Variants in FAM120B observed in about 807,000 individuals in gnomAD.
FAM120B encodes the protein constitutive coactivator of peroxisome proliferator-activated receptor gamma.
Under a neutral mutation model 96.3 loss-of-function variants are expected in FAM120B, and 83 were observed. The observed-to-expected ratio is 0.86, with a 90% CI of 0.72 to 1.03. FAM120B has a LOEUF of 1.03. Ranked by LOEUF, FAM120B falls within the 50% of genes least tolerant of loss-of-function variation. The pLI is 0.00. For synonymous variants in FAM120B, 407 were observed against 402.7 expected (o/e 1.01, Z -0.13); for missense variants, 1,027 against 1,121.2 (o/e 0.92, Z 1.20).
rs115774011 is a variant in FAM120B, at chr6:170,326,415, G to A, written c.1915+3156G>A. On this transcript the variant is annotated intron_variant, in intron 3 of 10. Coordinates refer to ENST00000476287, the MANE Select transcript of FAM120B (RefSeq NM_032448.3). The stretch of plus-strand genomic sequence containing the variant: ...CCCATTCCTGTCCTCTGGCAACTGC[G>A]AATCTGTTTTTCATCTCTATGTTCT... Among the ~76,000 whole-genome samples, 663 of 152,220 alleles carry A rather than the reference G, an allele frequency of 4.4e-3. 3 individuals are homozygous for A. Among genetic ancestry groups the A allele is most frequent in the African/African-American group, 0.015 (630 of 41,530 alleles).
intron 9 of FAM120B, among the ~76,000 whole-genome samples, chr6:170,395,859 G>A (rs1050999901): frequency 6.6e-6 from 1 of 152,104 alleles, no homozygotes; most frequent in East Asian, 1.9e-4. Context: ...TTGCTAGAAG[G>A]TACTTGTAAA....
chr6:170,368,967 T>A lies in FAM120B; in HGVS notation c.2283+10649T>A, dbSNP rs575041732. ...CCCACCATGAGCCAATCAGCTCTCA[T>A]AGGCCCCCACCTCCAATTACCATCC... On this transcript the variant is annotated intron_variant, in intron 6 of 10. Coordinates refer to ENST00000476287, the MANE Select transcript of FAM120B (RefSeq NM_032448.3). Among the ~76,000 whole-genome samples, 7 of 131,138 alleles carry A rather than the reference T, an allele frequency of 5.3e-5. No individual in the cohort carries two copies. The East Asian group carries it at 2.2e-3, about 41-fold the overall frequency. 86.0% of individuals were successfully genotyped at this position (131,138 alleles called of 152,430 possible). A position where few individuals can be genotyped will look rare whatever the true frequency, so the allele number is the denominator to read the frequency against.
upstream of FAM120B, among the ~76,000 whole-genome samples, chr6:170,301,810 T>C (rs959901108): frequency 4.6e-5 from 7 of 152,240 alleles, no homozygotes; most frequent in African/African-American, 1.7e-4. Flanking sequence ...CAGCCTGGAC[T>C]TCATTGTCCA....
At chr6:170,299,648 G>A (rs1213894520) in intron 1 of FAM120B, among the ~76,000 whole-genome samples, 1 of 152,210 alleles carries the variant, frequency 6.6e-6, no homozygotes. Flanking sequence ...TAAAGTGGGA[G>A]GACCAGTTCT....
intron 9 of FAM120B, among the ~76,000 whole-genome samples, chr6:170,397,307 C>T (rs1393461168): frequency 6.6e-6 from 1 of 152,162 alleles, no homozygotes; most frequent in Non-Finnish European, 1.5e-5. Flanking sequence ...CCCTCCATCC[C>T]TCCCTCACTC....
chr6:170,358,234 G>C lies in FAM120B; in HGVS notation c.2199G>C (p.Thr733=). Reference sequence around the variant, plus strand: ...TTCTCTGTCCTTTTCAGGTGGACACGCTTTGCCTGGAGGATTTGCATGCGT... The same window carrying C: ...TTCTCTGTCCTTTTCAGGTGGACACCCTTTGCCTGGAGGATTTGCATGCGT... The part of the protein sequence containing the change: ...LLIYLFVQVD[T]LCLEDLHAFI... The change falls in exon 6 of 11, where the codon ACG becomes ACC. Residue 733 remains threonine, a synonymous_variant. Coordinates refer to ENST00000476287, the MANE Select transcript of FAM120B (RefSeq NM_032448.3). 6.2e-7 allele frequency: 1 copy of C among 1,602,038 alleles called. No homozygotes were observed. Among genetic ancestry groups the C allele is most frequent in the Non-Finnish European group, 8.5e-7 (1 of 1,171,692 alleles).
chr6:170,323,829 A>G (rs552284070), intron 3 of FAM120B, among the ~76,000 whole-genome samples: 135 of 152,322 alleles, frequency 8.9e-4, no homozygotes, highest in African/African-American at 3.1e-3. Context: ...TTTAACCCCA[A>G]GGAGAAAGTT....
chr6:170,310,296 A>G (rs1423028639), intron 1 of FAM120B, among the ~76,000 whole-genome samples: 2 of 152,200 alleles, frequency 1.3e-5, no homozygotes, highest in African/African-American at 2.4e-5. Context: ...AAAGCCAGAG[A>G]GTCTCTTTTA....
intron 1 of FAM120B, among the ~76,000 whole-genome samples, chr6:170,299,152 T>C (rs150895948): frequency 1.3e-5 from 2 of 152,368 alleles, no homozygotes; most frequent in East Asian, 3.8e-4. Context: ...CTAGTGAGGC[T>C]ATTAGCACCT....
intron 6 of FAM120B, among the ~76,000 whole-genome samples, chr6:170,385,444 G>A (rs1382440042): frequency 6.6e-6 from 1 of 152,150 alleles, no homozygotes; most frequent in Non-Finnish European, 1.5e-5. Context: ...CAGGGAGTGT[G>A]GTAGGTAGGA....
At chr6:170,362,309 C>G (rs575946225) in intron 6 of FAM120B, among the ~76,000 whole-genome samples, 13 of 152,212 alleles carry the variant, frequency 8.5e-5, no homozygotes, top group Non-Finnish European at 1.8e-4. Flanking sequence ...GGATCACTCT[C>G]CTGTTGCCAT....
At chr6:170,396,332 A>G (rs1288926174) in intron 9 of FAM120B, among the ~76,000 whole-genome samples, 1 of 152,184 alleles carries the variant, frequency 6.6e-6, no homozygotes, top group Non-Finnish European at 1.5e-5. Context: ...TGGAGTCTGC[A>G]TGGAGGCTGC....
chr6:170,404,914 C>G lies in FAM120B; in HGVS notation c.*163C>G. ...ATGCCTTTTTCAATGGTGTCTCCCT[C>G]CCATTGTGCAGAAGAGCTTTTGTTG... On this transcript the variant is annotated 3_prime_UTR_variant, in exon 11 of 11. Coordinates refer to ENST00000476287, the MANE Select transcript of FAM120B (RefSeq NM_032448.3). The G allele has an allele frequency of 2.9e-6, 1 of 349,882 alleles. No individual in the cohort carries two copies. The highest frequency in any genetic ancestry group is 5.2e-6 in the Non-Finnish European group (1 of 191,510). The allele number at this position is 349,882 out of a possible 1,614,324, so 21.7% of individuals were successfully genotyped here.
chr6:170,296,819 C>A (rs1336890665), intron 1 of FAM120B, among the ~76,000 whole-genome samples: 1 of 152,192 alleles, frequency 6.6e-6, no homozygotes, highest in African/African-American at 2.4e-5. Context: ...CCCTCCGCCT[C>A]CGCGCGGCGG....
At chr6:170,367,798 C>G (rs1432751334) in intron 6 of FAM120B, among the ~76,000 whole-genome samples, 1 of 152,156 alleles carries the variant, frequency 6.6e-6, no homozygotes, top group Non-Finnish European at 1.5e-5. Flanking sequence ...AATTATGTGT[C>G]TTGGCATTGG....
At chr6:170,304,888 A>T (rs893544278), upstream of FAM120B, among the ~76,000 whole-genome samples, 1 of 152,186 alleles carries the variant, frequency 6.6e-6, no homozygotes, top group African/African-American at 2.4e-5. Context: ...ACAGCAAAGT[A>T]CCATAGACTG....
At chr6:170,339,018 A>G (rs551736444) in intron 4 of FAM120B, among the ~76,000 whole-genome samples, 1 of 152,132 alleles carries the variant, frequency 6.6e-6, no homozygotes, top group South Asian at 2.1e-4. Flanking sequence ...CATTTTGCCC[A>G]TTTACATTTA....
intron 1 of FAM120B, chr6:170,298,222 T>C (rs948296004): frequency 6.6e-6 from 1 of 152,134 alleles, no homozygotes; most frequent in Non-Finnish European, 1.5e-5. Context: ...TGCAAAGCCC[T>C]GCTCCAATAA....
rs545007872 is a variant in FAM120B, at chr6:170,363,031, C to T, written c.2283+4713C>T. Among the ~76,000 whole-genome samples, 150 of 152,204 alleles carry T rather than the reference C, an allele frequency of 9.9e-4. No individual in the cohort carries two copies. The highest frequency in any genetic ancestry group is 1.6e-3 in the Non-Finnish European group (107 of 67,994). On this transcript the variant is annotated intron_variant, in intron 6 of 10. Coordinates refer to ENST00000476287, the MANE Select transcript of FAM120B (RefSeq NM_032448.3). This position sits in a 1 kb window ranked among gnomAD's most constrained non-coding sequence, Gnocchi z 4.5. ...CTTGCTCTCTTTTTGGAGAAAAAGC[C>T]GAGAAATTCCTCTGCCTTTCTTTGC... is the stretch of plus-strand genomic sequence containing the variant.
Sources: allele counts gnomAD v4.1 joint callset (sites outside exome capture counted in the v4.1 genomes callset), GRCh38; gene constraint gnomAD v4.1.1; non-coding constraint Gnocchi (gnomAD v3.1); transcripts MANE v1.5; gene names NCBI Gene and HGNC (gene_info 2026-07-23, HGNC 2026-07-21).